BTRC: variants seen among roughly 807,000 people sequenced by gnomAD.
BTRC encodes beta-transducin repeat containing E3 ubiquitin protein ligase, also known as F-box/WD repeat-containing protein 1A.
Under a neutral mutation model 85.5 loss-of-function variants are expected in BTRC, and 42 were observed. The observed-to-expected ratio is 0.49, with a 90% CI of 0.38 to 0.64. BTRC has a LOEUF of 0.64. Ranked by LOEUF, BTRC falls within the 30% of genes least tolerant of loss-of-function variation. BTRC has a pLI of 0.00. For missense variants in BTRC, 594 were observed against 743.5 expected (o/e 0.80, Z 2.34); for synonymous variants, 255 against 263.3 (o/e 0.97, Z 0.30).
At chr10:101,532,538 G>A (rs2062300762) in intron 8 of BTRC, 106 bp downstream of exon 8, 1 of 1,369,220 alleles carries the variant, frequency 7.3e-7, no homozygotes, top group Non-Finnish European at 9.6e-7. Flanking sequence ...GAAAGTAAGT[G>A]AAGATTTTAG....
chr10:101,540,990 G>A (rs1334630538), intron 13 of BTRC, among the ~76,000 whole-genome samples: 8 of 151,934 alleles, frequency 5.3e-5, no homozygotes, highest in Non-Finnish European at 8.8e-5. Flanking sequence ...TAATGCTATT[G>A]GAAAAGGTAT....
chr10:101,526,196 G>T lies in BTRC; in HGVS notation c.740G>T (p.Gly247Val). 1.2e-6 allele frequency: 2 copies of T among 1,613,620 alleles called. No individual in the cohort carries two copies. The highest frequency in any genetic ancestry group is 1.7e-6 in the Non-Finnish European group (2 of 1,179,648). Residue 247 changes from glycine (G) to valine (V), a missense_variant, in exon 6 of 15, where the codon GGA (glycine) becomes GTA (valine). Physicochemically the swap from Gly to Val is moderately radical, Grantham distance 109. Around this residue, in one of 4 missense-constraint regions of BTRC, gnomAD observed 373 missense variants for 503.6 expected, o/e 0.74. Coordinates refer to ENST00000370187, the MANE Select transcript of BTRC (RefSeq NM_033637.4). The part of the protein sequence containing the change: ...SLWRGLAERR[G>V]WGQYLFKNKP... ...TGGAGAGGCCTGGCAGAACGAAGAG[G>T]ATGGTGAGCCTTTAACTTTTCTTAC... is the stretch of plus-strand genomic sequence containing the variant.
intron 4 of BTRC, among the ~76,000 whole-genome samples, chr10:101,518,053 C>CA (rs1408960823): frequency 6.6e-6 from 1 of 150,514 alleles, no homozygotes; most frequent in African/African-American, 2.4e-5. Flanking sequence ...GCTGGGACTA[C>CA]AGGCGCCCGC....
intron 2 of BTRC, among the ~76,000 whole-genome samples, chr10:101,458,272 C>T (rs970400379): frequency 1.3e-5 from 2 of 152,126 alleles, no homozygotes; most frequent in Non-Finnish European, 2.9e-5. Context: ...TCAAAGGTTA[C>T]GTACGATATA....
chr10:101,414,314 C>T (rs1037529234), intron 1 of BTRC, among the ~76,000 whole-genome samples: 8 of 152,136 alleles, frequency 5.3e-5, no homozygotes, highest in Non-Finnish European at 1.2e-4. Context: ...ATTCCTATCA[C>T]CTAGTGACAT....
At chr10:101,439,376 G>T (rs765938669) in intron 2 of BTRC, among the ~76,000 whole-genome samples, 1 of 152,166 alleles carries the variant, frequency 6.6e-6, no homozygotes, top group African/African-American at 2.4e-5. Context: ...ACGTTGATCC[G>T]ATGGTGTCCT....
chr10:101,546,474 A>G (rs1272704026), intron 13 of BTRC, among the ~76,000 whole-genome samples: 1 of 152,056 alleles, frequency 6.6e-6, no homozygotes, highest in Non-Finnish European at 1.5e-5. Context: ...GGAACATGTG[A>G]TGTTTTGAAA....
At chr10:101,509,242 G>GTTTTTTT (rs1197202122) in intron 4 of BTRC, among the ~76,000 whole-genome samples, 1 of 118,246 alleles carries the variant, frequency 8.5e-6, no homozygotes, top group African/African-American at 3.8e-5. Flanking sequence ...TGGCAATGTG[G>GTTTTTTT]ATTTTTTTTT....
chr10:101,418,544 G>T (rs1944009270), intron 1 of BTRC, among the ~76,000 whole-genome samples: 1 of 151,748 alleles, frequency 6.6e-6, no homozygotes, highest in Non-Finnish European at 1.5e-5. Context: ...CAGTATTTCA[G>T]AGTGCCACCT....
At chr10:101,442,288 C>CTGTGTGTGTGTGTGTG (rs1240113814) in intron 2 of BTRC, among the ~76,000 whole-genome samples, 3 of 99,280 alleles carry the variant, frequency 3.0e-5, no homozygotes, top group African/African-American at 1.1e-4. Flanking sequence ...CTCTCTGTCT[C>CTGTGTGTGTGTGTGTG]TGTGTGTATG....
At chr10:101,394,110 A>C (rs1321531787) in intron 1 of BTRC, among the ~76,000 whole-genome samples, 1 of 152,234 alleles carries the variant, frequency 6.6e-6, no homozygotes, top group Non-Finnish European at 1.5e-5. Context: ...AATTCTATTT[A>C]GAAGATATTA....
intron 1 of BTRC, among the ~76,000 whole-genome samples, chr10:101,423,273 C>T (rs1257881129): frequency 2.0e-5 from 3 of 152,168 alleles, no homozygotes; most frequent in South Asian, 2.1e-4. Context: ...TGGGGAAGAG[C>T]TTGTTCCGCA....
At chr10:101,438,755 G>T (rs1031951149) in intron 2 of BTRC, among the ~76,000 whole-genome samples, 16 of 152,042 alleles carry the variant, frequency 1.1e-4, no homozygotes, top group Non-Finnish European at 4.4e-5. Flanking sequence ...TAAAAAGCAG[G>T]TCATTATTTT....
Position 101,461,968 on chromosome 10 carries a change from C to T in BTRC, c.157-13C>T. The T allele has an allele frequency of 1.9e-6, 3 of 1,595,292 alleles. No individual in the cohort carries two copies. Among genetic ancestry groups the T allele is most frequent in the Non-Finnish European group, 2.6e-6 (3 of 1,165,178 alleles). The stretch of plus-strand genomic sequence containing the variant: ...ATAATGAGAACTGAATTAAAGCTTA[C>T]TTTCTTTCACAGAATTCCTCAGAGA... On this transcript the variant is annotated splice_polypyrimidine_tract_variant and intron_variant, in intron 2 of 14. Transcript: ENST00000370187.
At chr10:101,435,988 A>G (rs1034345129) in intron 2 of BTRC, among the ~76,000 whole-genome samples, 14 of 152,176 alleles carry the variant, frequency 9.2e-5, no homozygotes, top group Non-Finnish European at 1.6e-4. Flanking sequence ...GATTATTCCC[A>G]GTAGCTCAAA....
intron 2 of BTRC, among the ~76,000 whole-genome samples, chr10:101,435,307 A>G (rs959593620): frequency 1.3e-5 from 2 of 152,178 alleles, no homozygotes; most frequent in Non-Finnish European, 2.9e-5. Context: ...TTCAATTTCA[A>G]GATACACAAC....
intron 3 of BTRC, among the ~76,000 whole-genome samples, chr10:101,476,359 CT>C (rs1416527718): frequency 1.3e-5 from 2 of 152,200 alleles, no homozygotes; most frequent in African/African-American, 4.8e-5. Context: ...AAGTTCTGTA[CT>C]TTATATAGTA....
At chr10:101,428,115 A>G (rs539056758) in intron 1 of BTRC, among the ~76,000 whole-genome samples, 1 of 152,264 alleles carries the variant, frequency 6.6e-6, no homozygotes, top group South Asian at 2.1e-4. Flanking sequence ...AATTCTAAGG[A>G]GATATTGATG....
chr10:101,382,794 AT>A (rs1942969056), intron 1 of BTRC, among the ~76,000 whole-genome samples: 1 of 151,942 alleles, frequency 6.6e-6, no homozygotes, highest in African/African-American at 2.4e-5. Flanking sequence ...GTTCTAAATA[AT>A]TTTTTTCTTT....
Sources: allele counts gnomAD v4.1 joint callset (sites outside exome capture counted in the v4.1 genomes callset), GRCh38; gene constraint gnomAD v4.1.1; regional missense constraint gnomAD v4.1.1; transcripts MANE v1.5; gene names NCBI Gene and HGNC (gene_info 2026-07-23, HGNC 2026-07-21).